Variants in EFHC1 observed in about 807,000 individuals in gnomAD.
EFHC1 encodes the protein EF-hand domain containing 1.
A neutral mutation model predicts 69.9 loss-of-function variants in EFHC1; 53 were observed. The observed-to-expected ratio is 0.76, with a 90% CI of 0.61 to 0.95. EFHC1 has a LOEUF of 0.95. Ranked by LOEUF, EFHC1 falls within the 40% of genes least tolerant of loss-of-function variation. EFHC1 has a pLI of 0.00. For missense variants in EFHC1, 739 were observed against 798.7 expected (o/e 0.93, Z 0.90); for synonymous variants, 256 against 278.4 (o/e 0.92, Z 0.80).
At position 52,495,163 on chromosome 6, in the gene EFHC1, C is replaced by G. The variant is rs1448394265; in HGVS notation, c.*2822C>G. On this transcript the variant is annotated 3_prime_UTR_variant, in exon 11 of 11. Transcript: ENST00000371068. ...GCTGACACACCTTCCAGGGTGTGCACTCTCGCCATGTTCTCACCCAGATGG... is the reference window on the plus strand; with the variant it reads ...GCTGACACACCTTCCAGGGTGTGCAGTCTCGCCATGTTCTCACCCAGATGG... The G allele has an allele frequency of 4.4e-6, 2 of 453,966 alleles. No homozygotes were observed. The highest frequency in any genetic ancestry group is 4.0e-5 in the African/African-American group (2 of 49,988). 28.1% of individuals were successfully genotyped at this position (453,966 alleles called of 1,614,324 possible).
intron 7 of EFHC1, among the ~76,000 whole-genome samples, chr6:52,470,257 A>G (rs547994931): frequency 6.6e-6 from 1 of 152,320 alleles, no homozygotes; most frequent in African/African-American, 2.4e-5. Flanking sequence ...AAATAAAAAG[A>G]GAGTTCTGGC....
chr6:52,473,509 G>T (rs578243187), intron 7 of EFHC1, among the ~76,000 whole-genome samples: 1 of 152,148 alleles, frequency 6.6e-6, no homozygotes, highest in East Asian at 1.9e-4. Flanking sequence ...GACCGGGCAC[G>T]GTGGTTCATG....
intron 1 of EFHC1, chr6:52,420,913 C>A: frequency 2.6e-6 from 2 of 763,428 alleles, no homozygotes; most frequent in Non-Finnish European, 3.5e-6. Flanking sequence ...CCTTAAAACC[C>A]CCCGCCACTA....
At chr6:52,447,072 G>A (rs1450888253) in intron 3 of EFHC1, among the ~76,000 whole-genome samples, 2 of 152,088 alleles carry the variant, frequency 1.3e-5, no homozygotes, top group African/African-American at 4.8e-5. Context: ...GTATCTTTGT[G>A]GCATTCTCTG....
In EFHC1 at chr6:52,473,714, G is replaced by A. The variant is rs372820264; in HGVS notation, c.1278+4241G>A. ...GGAGAATCACTTGAGTCTGGGGGGC[G>A]GAGGTTGCAGTGAGCCGAGACTGAG... On this transcript the variant is annotated intron_variant, in intron 7 of 10. Transcript: ENST00000371068. 1.9e-4 allele frequency among the ~76,000 whole-genome samples: 29 copies of A among 152,086 alleles called. No individual in the cohort carries two copies. The East Asian group carries it at 4.5e-3, about 23-fold the overall frequency.
intron 5 of EFHC1, among the ~76,000 whole-genome samples, chr6:52,458,056 A>G (rs990797395): frequency 1.3e-5 from 2 of 152,240 alleles, no homozygotes; most frequent in Non-Finnish European, 2.9e-5. Flanking sequence ...AGATGCACAC[A>G]TATGAGGTCA....
chr6:52,463,252 G>A (rs112520745), intron 5 of EFHC1, among the ~76,000 whole-genome samples: 4,137 of 149,288 alleles, frequency 0.028, 183 homozygotes, highest in African/African-American at 0.091. Context: ...GTTAGCCAGC[G>A]TGGTTTTGAT....
At chr6:52,434,923 AC>A (rs1764498474) in intron 2 of EFHC1, among the ~76,000 whole-genome samples, 1 of 151,944 alleles carries the variant, frequency 6.6e-6, no homozygotes, top group Non-Finnish European at 1.5e-5. Context: ...ATATAACAAG[AC>A]CATATATATA....
At chr6:52,440,839 G>C (rs1764646900) in intron 3 of EFHC1, among the ~76,000 whole-genome samples, 1 of 152,080 alleles carries the variant, frequency 6.6e-6, no homozygotes, top group South Asian at 2.1e-4. Flanking sequence ...TGACTGGTGT[G>C]AGATGATATT....
rs9474228 is a variant in EFHC1, at chr6:52,494,760, A to G, written c.*2419A>G. 83,608 of 452,662 alleles carry G rather than the reference A, an allele frequency of 0.18. 8,430 individuals carry two copies. The highest frequency in any genetic ancestry group is 0.21 in the Non-Finnish European group (48,534 of 225,760). 28.0% of individuals were successfully genotyped at this position (452,662 alleles called of 1,614,324 possible). ...CCATCATTATGTCTATGTGTATTCA[A>G]TGTTTAGCTCCCACTTAGAAGTAAG... is the stretch of plus-strand genomic sequence containing the variant. On this transcript the variant is annotated 3_prime_UTR_variant, in exon 11 of 11. Coordinates refer to ENST00000371068, the MANE Select transcript of EFHC1 (RefSeq NM_018100.4).
At chr6:52,482,449 AAC>A (rs1322562357) in intron 9 of EFHC1, 5 of 197,120 alleles carry the variant, frequency 2.5e-5, no homozygotes, top group Non-Finnish European at 5.1e-5. Context: ...TGTAATTTAA[AAC>A]ACTGATAACA....
chr6:52,440,609 T>A (rs1490318445), intron 3 of EFHC1, among the ~76,000 whole-genome samples: 2 of 152,142 alleles, frequency 1.3e-5, no homozygotes, highest in Non-Finnish European at 2.9e-5. Context: ...TGCGGGTATG[T>A]CTTTATGGCA....
intron 10 of EFHC1, 65 bp downstream of exon 10, chr6:52,490,415 G>A: frequency 1.5e-6 from 2 of 1,370,630 alleles, no homozygotes. Context: ...TTTTCTAAAG[G>A]CAATTGTGTG....
rs1430629936 is a variant in EFHC1, at chr6:52,438,587, C to T, written c.569C>T (p.Thr190Ile). ...CGCGTTGTTGACTGTGACCAATTCA[C>T]ACAGGTATAGCATATATTTTTGAAA... ...TFRVVDCDQF[T>I]QVFLESQGIE... Residue 190 changes from threonine to isoleucine, a missense_variant, in exon 3 of 11, where the codon ACA becomes ATA. Physicochemically the swap from Thr to Ile is moderately conservative, Grantham distance 89. Transcript: ENST00000371068. 6 of 1,613,832 alleles carry T rather than the reference C, an allele frequency of 3.7e-6. No individual in the cohort carries two copies. Among genetic ancestry groups the T allele is most frequent in the Non-Finnish European group, 5.1e-6 (6 of 1,179,890 alleles).
At chr6:52,489,078 A>C (rs996201738) in intron 9 of EFHC1, 9 of 152,250 alleles carry the variant, frequency 5.9e-5, no homozygotes, top group African/African-American at 2.2e-4. Context: ...TACCTTCCCC[A>C]GCAAGACTTG....
Position 52,450,099 on chromosome 6 carries a change from T to C in EFHC1, c.574-2589T>C, listed in dbSNP as rs570146658. Among the ~76,000 whole-genome samples, 7 of 152,328 alleles carry C rather than the reference T, an allele frequency of 4.6e-5. No homozygotes were observed. The South Asian group carries it at 1.5e-3, about 32-fold the overall frequency. ...TCAGGAGCAGGTTGTTTAATGTCCA[T>C]GTAATTGCATGGTTTTGAGTGGTTT... On this transcript the variant is annotated intron_variant, in intron 3 of 10. Coordinates refer to ENST00000371068, the MANE Select transcript of EFHC1 (RefSeq NM_018100.4).
intron 7 of EFHC1, among the ~76,000 whole-genome samples, chr6:52,471,518 G>A (rs930163287): frequency 6.6e-6 from 1 of 152,104 alleles, no homozygotes; most frequent in Non-Finnish European, 1.5e-5. Flanking sequence ...AAAGTGACCA[G>A]AAATAAGAGA....
At chr6:52,427,132 CCTCA>C (rs933236588) in intron 2 of EFHC1, among the ~76,000 whole-genome samples, 29 of 152,182 alleles carry the variant, frequency 1.9e-4, no homozygotes, top group African/African-American at 6.3e-4. Flanking sequence ...TTATTTTCAT[CCTCA>C]CTATTACCAT....
At position 52,438,452 on chromosome 6, in the gene EFHC1, A is replaced by G; in HGVS notation, c.434A>G (p.Gln145Arg). 1 of 1,614,152 alleles carries G rather than the reference A, an allele frequency of 6.2e-7. No homozygotes were observed. Among genetic ancestry groups the G allele is most frequent in the Non-Finnish European group, 8.5e-7 (1 of 1,180,004 alleles). The stretch of plus-strand genomic sequence containing the variant: ...GTTGTAGAAAATTCTGGAATCCTTC[A>G]AGGCAAGTTAATAAAACGCCAGCGG... ...EPVVENSGIL[Q>R]GKLIKRQRLA... The change falls in exon 3 of 11, where the codon CAA (glutamine) becomes CGA (arginine). Residue 145 changes from glutamine (Q) to arginine (R), a missense_variant. Transcript: ENST00000371068.
Sources: allele counts gnomAD v4.1 joint callset (sites outside exome capture counted in the v4.1 genomes callset), GRCh38; gene constraint gnomAD v4.1.1; transcripts MANE v1.5; gene names NCBI Gene and HGNC (gene_info 2026-07-23, HGNC 2026-07-21).